ANKFN1: variants seen among roughly 807,000 people sequenced by gnomAD.
ANKFN1 encodes ankyrin repeat and fibronectin type III domain containing 1.
A neutral mutation model predicts 108.7 loss-of-function variants in ANKFN1; 74 were observed. The observed-to-expected ratio is 0.68, with a 90% CI of 0.56 to 0.83. The LOEUF (loss-of-function observed/expected upper bound fraction) is 0.83, where lower values mean the gene tolerates loss of function less well. ANKFN1 is among the 40% of genes least tolerant of loss of function. ANKFN1 has a pLI of 0.00. For synonymous variants in ANKFN1, 547 were observed against 516.2 expected (o/e 1.06, Z -0.81); for missense variants, 1,505 against 1,382.3 (o/e 1.09, Z -1.41).
intron 1 of ANKFN1, among the ~76,000 whole-genome samples, chr17:56,199,744 G>T (rs562212633): frequency 6.6e-6 from 1 of 152,056 alleles, no homozygotes; most frequent in Non-Finnish European, 1.5e-5. Context: ...CTGAATTTTC[G>T]ATAAACAACA....
intron 6 of ANKFN1, among the ~76,000 whole-genome samples, chr17:56,368,686 A>C (rs188808761): frequency 1.4e-4 from 21 of 152,102 alleles, no homozygotes; most frequent in Non-Finnish European, 2.5e-4. Context: ...ATACATCCAC[A>C]GGGTTTTGAC....
At chr17:56,478,673 A>G (rs1031850804) in intron 16 of ANKFN1, among the ~76,000 whole-genome samples, 2 of 152,096 alleles carry the variant, frequency 1.3e-5, no homozygotes, top group Non-Finnish European at 2.9e-5. Flanking sequence ...TGTGCTCAAC[A>G]TAAAAAAAGA....
At chr17:56,332,253 C>A (rs79828164) in intron 4 of ANKFN1, among the ~76,000 whole-genome samples, 1,566 of 152,258 alleles carry the variant, frequency 0.01, 17 homozygotes, top group Non-Finnish European at 0.018. Context: ...GCAATCGAGG[C>A]TCTCTGCTTA....
intron 3 of ANKFN1, among the ~76,000 whole-genome samples, chr17:56,251,500 A>T (rs9915519): frequency 0.051 from 7,723 of 152,274 alleles, 234 homozygotes; most frequent in South Asian, 0.095. Flanking sequence ...TTTTTTCTAA[A>T]TAAGCCAACA....
chr17:56,139,719 T>C (rs1341591454), intron 4 of ANKFN1, among the ~76,000 whole-genome samples: 3 of 152,214 alleles, frequency 2.0e-5, no homozygotes, highest in African/African-American at 7.2e-5. Flanking sequence ...CTGTCTTTTT[T>C]CTGGCCCTTA....
chr17:56,157,329 C>G (rs1909208904), intron 1 of ANKFN1, among the ~76,000 whole-genome samples: 1 of 152,186 alleles, frequency 6.6e-6, no homozygotes, highest in South Asian at 2.1e-4. Flanking sequence ...AGCAATGCAG[C>G]AGCTTTATCT....
chr17:56,189,351 TA>T (rs1460103297), intron 1 of ANKFN1, among the ~76,000 whole-genome samples: 1 of 149,190 alleles, frequency 6.7e-6, no homozygotes, highest in African/African-American at 2.5e-5. Context: ...TTTGTATTTT[TA>T]GTAGAGACGG....
intron 4 of ANKFN1, among the ~76,000 whole-genome samples, chr17:56,068,061 C>T (rs1905080788): frequency 6.6e-6 from 1 of 152,070 alleles, no homozygotes; most frequent in African/African-American, 2.4e-5. Context: ...TATTACTGCC[C>T]AAATATGCGG....
intron 3 of ANKFN1, among the ~76,000 whole-genome samples, chr17:56,280,655 A>G (rs924595104): frequency 5.9e-5 from 9 of 152,178 alleles, no homozygotes; most frequent in Admixed American, 4.6e-4. Context: ...TATATATCCC[A>G]TTTGTTCTGT....
intron 3 of ANKFN1, among the ~76,000 whole-genome samples, chr17:56,247,566 T>A (rs1236848414): frequency 6.6e-6 from 1 of 152,160 alleles, no homozygotes; most frequent in Non-Finnish European, 1.5e-5. Context: ...ACCAGTGATT[T>A]TTCCTAATTA....
chr17:56,241,246 C>T (rs1214124474), intron 3 of ANKFN1, among the ~76,000 whole-genome samples: 1 of 152,088 alleles, frequency 6.6e-6, no homozygotes, highest in African/African-American at 2.4e-5. Context: ...TGCACTCCAG[C>T]TTGACCAACA....
intron 1 of ANKFN1, among the ~76,000 whole-genome samples, chr17:56,169,688 C>G (rs1028180637): frequency 3.9e-5 from 6 of 152,164 alleles, no homozygotes; most frequent in Non-Finnish European, 7.3e-5. Flanking sequence ...ATCAGAGTGG[C>G]AGAACAGGCT....
intron 8 of ANKFN1, among the ~76,000 whole-genome samples, chr17:56,396,162 C>T (rs1271751841): frequency 1.3e-5 from 2 of 152,060 alleles, no homozygotes; most frequent in Admixed American, 6.5e-5. Context: ...TAAGAAGGGG[C>T]CACGGGCCAG....
chr17:56,330,494 G>T (rs1459589415), intron 4 of ANKFN1, among the ~76,000 whole-genome samples: 1 of 152,160 alleles, frequency 6.6e-6, no homozygotes, highest in Non-Finnish European at 1.5e-5. Context: ...AGAAATATAA[G>T]CTAGTATTAT....
At chr17:56,058,572 A>T (rs192716345) in intron 4 of ANKFN1, among the ~76,000 whole-genome samples, 2 of 151,752 alleles carry the variant, frequency 1.3e-5, no homozygotes, top group African/African-American at 4.8e-5. Context: ...CCCATCCTCT[A>T]AGTTCCCTCC....
intron 4 of ANKFN1, among the ~76,000 whole-genome samples, chr17:56,136,000 AG>A (rs1254901632): frequency 6.6e-6 from 1 of 152,218 alleles, no homozygotes; most frequent in Non-Finnish European, 1.5e-5. Context: ...TTTGATAAAA[AG>A]GTATCATTTC....
chr17:56,438,140 G>T (rs1477630510), intron 8 of ANKFN1, among the ~76,000 whole-genome samples: 1 of 152,122 alleles, frequency 6.6e-6, no homozygotes, highest in African/African-American at 2.4e-5. Context: ...AAGAGAAAGA[G>T]ATACATAGCG....
chr17:56,246,836 T>C (rs1278449226), intron 3 of ANKFN1, among the ~76,000 whole-genome samples: 3 of 152,134 alleles, frequency 2.0e-5, no homozygotes, highest in African/African-American at 7.2e-5. Context: ...ACATACATGT[T>C]GTAGGGGAGT....
At chr17:56,401,195 G>C (rs936121615) in intron 8 of ANKFN1, among the ~76,000 whole-genome samples, 1 of 152,000 alleles carries the variant, frequency 6.6e-6, no homozygotes, top group African/African-American at 2.4e-5. Context: ...TCATTTTCAC[G>C]ATATTGGTTC....
Sources: gnomAD v4.1 joint callset for allele counts (sites outside exome capture counted in the v4.1 genomes callset) on GRCh38, gnomAD v4.1.1 for gene constraint, MANE v1.5 for transcripts, NCBI Gene and HGNC (gene_info 2026-07-23, HGNC 2026-07-21) for gene names.